The following INSYN2B variants were observed in gnomAD, a reference collection of about 807,000 sequenced individuals.
The protein encoded by INSYN2B is inhibitory synaptic factor family member 2B.
A neutral mutation model predicts 41.2 loss-of-function variants in INSYN2B; 16 were observed. That is an observed-to-expected ratio of 0.39 (90% confidence interval 0.26 to 0.59). The LOEUF (loss-of-function observed/expected upper bound fraction) is 0.59, where lower values mean the gene tolerates loss of function less well. INSYN2B is among the 20% of genes least tolerant of loss of function. The probability of loss-of-function intolerance (pLI) is 0.57; values close to 1 mark genes in which losing one functional copy is unlikely to be tolerated. For missense variants in INSYN2B, 608 were observed against 646.4 expected, an observed-to-expected ratio of 0.94 and a Z score of 0.64; for synonymous variants, 245 against 244.4, an observed-to-expected ratio of 1.00 and a Z score of -0.02.
chr5:169,861,540 T>G lies in INSYN2B; in HGVS notation c.*2733A>C, dbSNP rs1771196526. Among the ~76,000 whole-genome samples, 1 of 152,216 alleles carries G rather than the reference T, an allele frequency of 6.6e-6. No individual in the cohort carries two copies. On this transcript the variant is annotated 3_prime_UTR_variant, in exon 4 of 4. Transcript: ENST00000377365. ...TGTATTGGTCTTTTTCCTTTCAATT[T>G]TATAAAAGTAATTTTTGCTAAGTTA...
At chr5:169,942,165 C>G (rs1776268711) in intron 1 of INSYN2B, among the ~76,000 whole-genome samples, 1 of 152,184 alleles carries the variant, frequency 6.6e-6, no homozygotes, top group South Asian at 2.1e-4. Context: ...CTGAGAAAGT[C>G]TGTAGCATAT....
At chr5:169,877,797 CCCTGGACAAACAAAA>C (rs1434026449) in intron 3 of INSYN2B, among the ~76,000 whole-genome samples, 2 of 151,994 alleles carry the variant, frequency 1.3e-5, no homozygotes, top group Non-Finnish European at 2.9e-5. Flanking sequence ...TCCAGGTGGA[CCCTGGACAAACAAAA>C]CCTCTTCTAT....
intron 1 of INSYN2B, among the ~76,000 whole-genome samples, chr5:169,929,363 AT>A (rs1231279990): frequency 6.6e-6 from 1 of 152,006 alleles, no homozygotes; most frequent in African/African-American, 2.4e-5. Flanking sequence ...TTACACGTAG[AT>A]TTTCCACAAA....
intron 1 of INSYN2B, among the ~76,000 whole-genome samples, chr5:169,936,243 G>C (rs571076144): frequency 6.6e-6 from 1 of 152,286 alleles, no homozygotes; most frequent in Non-Finnish European, 1.5e-5. Flanking sequence ...TAACACTTCC[G>C]TGCATGGTTC....
intron 1 of INSYN2B, among the ~76,000 whole-genome samples, chr5:169,907,761 C>T (rs191546130): frequency 6.6e-6 from 1 of 152,240 alleles, no homozygotes; most frequent in East Asian, 1.9e-4. Flanking sequence ...GGTGACTTTG[C>T]CCCCACTCTG....
rs201919063 is a variant in INSYN2B, at chr5:169,882,996, A to G, written c.903T>C (p.Cys301=). ...GSLSSQSKET[C]VPSSPRTHSS... ...TGTGAGTCCGTGGAGATGAAGGAAC[A>G]CACGTTTCCTTTGACTGAGATGACA... The change falls in exon 2 of 4, where the codon TGT becomes TGC. Residue 301 remains cysteine (C), a synonymous_variant. Transcript: ENST00000377365. 1.5e-3 allele frequency: 2,376 copies of G among 1,551,646 alleles called. 3 individuals carry two copies. Among genetic ancestry groups the G allele is most frequent in the Non-Finnish European group, 2.0e-3 (2,243 of 1,146,910 alleles).
chr5:169,974,897 G>A (rs766846721), intron 1 of INSYN2B, among the ~76,000 whole-genome samples: 1 of 151,802 alleles, frequency 6.6e-6, no homozygotes, highest in Non-Finnish European at 1.5e-5. Flanking sequence ...ATTATGTTCT[G>A]TGCCATTAAA....
At chr5:169,933,431 G>T (rs1466654859) in intron 1 of INSYN2B, among the ~76,000 whole-genome samples, 1 of 152,262 alleles carries the variant, frequency 6.6e-6, no homozygotes, top group Non-Finnish European at 1.5e-5. Flanking sequence ...GAGAGTGGCT[G>T]CTATAGAAGA....
In INSYN2B at chr5:169,900,623, C is replaced by A. The variant is rs1231889924; in HGVS notation, c.-918-15807G>T. Among the ~76,000 whole-genome samples, 3 of 152,174 alleles carry A rather than the reference C, an allele frequency of 2.0e-5. No individual in the cohort carries two copies. In the East Asian group the frequency reaches 5.8e-4, roughly 29 times the overall value. On this transcript the variant is annotated intron_variant, in intron 1 of 3. Transcript: ENST00000377365. ...GTAATATTAAGAGTATTGACTCCTT[C>A]ATGCACTACTTCTAATTAGAAGCTT... is the stretch of plus-strand genomic sequence containing the variant.
At position 169,883,849 on chromosome 5, in the gene INSYN2B, C is replaced by G. The variant is rs1193336500; in HGVS notation, c.50G>C (p.Ser17Thr). 9 of 1,538,190 alleles carry G rather than the reference C, an allele frequency of 5.9e-6. No homozygotes were observed. Among genetic ancestry groups the G allele is most frequent in the Non-Finnish European group, 4.4e-6 (5 of 1,139,910 alleles). ...KVRPVLLKRN[S>T]LESVEFVKQP... ...TTTCACAAACTCCACTGATTCTAGA[C>G]TGTTACGCTTTAGAAGCACAGGTCT... The change falls in exon 2 of 4, where the codon AGT becomes ACT. Residue 17 changes from serine (S) to threonine (T), a missense_variant. Physicochemically the swap from Ser to Thr is moderately conservative, Grantham distance 58 (BLOSUM62 1). Coordinates refer to ENST00000377365, the MANE Select transcript of INSYN2B (RefSeq NM_001129891.3).
chr5:169,970,414 G>T (rs1165977773), intron 1 of INSYN2B, among the ~76,000 whole-genome samples: 2 of 152,230 alleles, frequency 1.3e-5, no homozygotes. Flanking sequence ...GCTGAAATAA[G>T]GCTGGGAAAG....
intron 1 of INSYN2B, among the ~76,000 whole-genome samples, chr5:169,961,700 G>A (rs965373207): frequency 2.6e-5 from 4 of 152,040 alleles, no homozygotes; most frequent in African/African-American, 7.2e-5. Context: ...AAGCCAGGCC[G>A]GGTGCAGTGG....
intron 3 of INSYN2B, 108 bp downstream of exon 3, chr5:169,881,260 C>A: frequency 1.2e-6 from 1 of 861,616 alleles, no homozygotes; most frequent in Non-Finnish European, 1.9e-6. Flanking sequence ...TAGTTAAATA[C>A]CTTGTTTTTG....
intron 1 of INSYN2B, among the ~76,000 whole-genome samples, chr5:169,948,998 G>T (rs1182995878): frequency 6.6e-6 from 1 of 152,184 alleles, no homozygotes; most frequent in Non-Finnish European, 1.5e-5. Flanking sequence ...TTACAAAGGT[G>T]CAATAGAAGC....
intron 1 of INSYN2B, among the ~76,000 whole-genome samples, chr5:169,904,870 C>T (rs1037785525): frequency 6.6e-6 from 1 of 152,194 alleles, no homozygotes; most frequent in Non-Finnish European, 1.5e-5. Flanking sequence ...GGCACCTTCA[C>T]TGCTCCACGG....
intron 1 of INSYN2B, among the ~76,000 whole-genome samples, chr5:169,885,642 A>G (rs1392608852): frequency 1.3e-5 from 2 of 152,216 alleles, no homozygotes. Context: ...AGGACTTTAC[A>G]TGCATTAATT....
chr5:169,931,413 C>T (rs895962867), intron 1 of INSYN2B, among the ~76,000 whole-genome samples: 7 of 152,206 alleles, frequency 4.6e-5, no homozygotes, highest in Non-Finnish European at 7.3e-5. Flanking sequence ...TTCTCCCGTT[C>T]GCCTGAACCC....
At chr5:169,929,047 C>T (rs1775616371) in intron 1 of INSYN2B, among the ~76,000 whole-genome samples, 2 of 152,188 alleles carry the variant, frequency 1.3e-5, no homozygotes, top group Non-Finnish European at 2.9e-5. Context: ...AGATGGAAAG[C>T]TTGAGGTCAA....
Position 169,972,586 on chromosome 5 carries a change from T to TAGATAGATGATA in INSYN2B, c.-919+7690_-919+7691insTATCATCTATCT, listed in dbSNP as rs1554122913. Among the ~76,000 whole-genome samples, 382 of 68,960 alleles carry TAGATAGATGATA rather than the reference T, an allele frequency of 5.5e-3. 1 individual carries two copies. The highest frequency in any genetic ancestry group is 7.7e-3 in the Non-Finnish European group (265 of 34,206). 45.2% of individuals were successfully genotyped at this position (68,960 alleles called of 152,430 possible). ...ATAGATAGATAGATAGATAGATAGA[T>TAGATAGATGATA]GATAGATAGATAGATAGATAGATAG... On this transcript the variant is annotated intron_variant, in intron 1 of 3. Coordinates refer to ENST00000377365, the MANE Select transcript of INSYN2B (RefSeq NM_001129891.3).
Sources: allele counts gnomAD v4.1 joint callset (sites outside exome capture counted in the v4.1 genomes callset), GRCh38; gene constraint gnomAD v4.1.1; transcripts MANE v1.5; gene names NCBI Gene and HGNC (gene_info 2026-07-23, HGNC 2026-07-21).